The following SUPT3H variants were observed in gnomAD, a reference collection of about 807,000 sequenced individuals.
SUPT3H encodes transcription initiation protein SPT3 homolog.
SUPT3H carries 44 observed loss-of-function variants against 44.3 expected under a neutral mutation model. That is an observed-to-expected ratio of 0.99 (90% CI 0.78 to 1.28). SUPT3H has a LOEUF of 1.28. SUPT3H is among the 50% of genes most tolerant of loss of function. The pLI is 0.00. For synonymous variants in SUPT3H, 124 were observed against 125.6 expected, an observed-to-expected ratio of 0.99 and a Z score of 0.09; for missense variants, 380 against 387.1, an observed-to-expected ratio of 0.98 and a Z score of 0.15.
chr6:44,971,269 C>T (rs1467502056), intron 6 of SUPT3H, among the ~76,000 whole-genome samples: 2 of 152,140 alleles, frequency 1.3e-5, no homozygotes, highest in African/African-American at 4.8e-5. Flanking sequence ...ACTGATACTA[C>T]TCTAGTCCAA....
At chr6:44,894,345 T>C (rs895734617) in intron 10 of SUPT3H, among the ~76,000 whole-genome samples, 2 of 152,182 alleles carry the variant, frequency 1.3e-5, no homozygotes, top group Non-Finnish European at 1.5e-5. Context: ...CTAGGGTTTT[T>C]ATGGTTTTAG....
Position 45,352,368 on chromosome 6 carries a change from C to T in SUPT3H, c.101+12833G>A, listed in dbSNP as rs532946309. Among the ~76,000 whole-genome samples, 83 of 152,132 alleles carry T rather than the reference C, an allele frequency of 5.5e-4. 1 individual carries two copies. The highest frequency in any genetic ancestry group is 2.0e-3 in the African/African-American group (82 of 41,498). On this transcript the variant is annotated intron_variant, in intron 2 of 10. Transcript: ENST00000371459. ...CAGAAAAGAAAGTGTATCAAGTTTT[C>T]CTAGTTTATGAACTCTTATTATAGA...
chr6:45,207,380 G>C (rs1056044313), intron 2 of SUPT3H, among the ~76,000 whole-genome samples: 2 of 152,172 alleles, frequency 1.3e-5, no homozygotes, highest in African/African-American at 2.4e-5. Flanking sequence ...GAAAAAGTCT[G>C]ACTGAAGTAA....
At chr6:45,281,840 G>A (rs185960372) in intron 2 of SUPT3H, among the ~76,000 whole-genome samples, 2 of 152,302 alleles carry the variant, frequency 1.3e-5, no homozygotes, top group East Asian at 3.9e-4. Context: ...GCACCCCCCA[G>A]TAGGGGCAGA....
chr6:44,945,058 T>G (rs1773121379), intron 9 of SUPT3H, among the ~76,000 whole-genome samples: 1 of 152,138 alleles, frequency 6.6e-6, no homozygotes, highest in Non-Finnish European at 1.5e-5. Flanking sequence ...TGTCATATTT[T>G]GGTACTTTTC....
At chr6:45,043,544 A>C (rs933191269) in intron 3 of SUPT3H, among the ~76,000 whole-genome samples, 6 of 152,162 alleles carry the variant, frequency 3.9e-5, no homozygotes, top group African/African-American at 1.4e-4. Flanking sequence ...TTCATGACAT[A>C]AATTCTGAAC....
At chr6:44,901,453 C>T (rs539807388) in intron 10 of SUPT3H, among the ~76,000 whole-genome samples, 9 of 151,920 alleles carry the variant, frequency 5.9e-5, no homozygotes, top group Non-Finnish European at 7.4e-5. Context: ...TGAAATGAAG[C>T]GAGAAGAGAA....
intron 2 of SUPT3H, among the ~76,000 whole-genome samples, chr6:45,299,302 C>T (rs2149912860): frequency 6.8e-6 from 1 of 147,886 alleles, no homozygotes; most frequent in South Asian, 2.2e-4. Flanking sequence ...CGCCACTGCA[C>T]TCCAGCTTGG....
intron 6 of SUPT3H, among the ~76,000 whole-genome samples, chr6:45,000,812 C>G (rs1321662449): frequency 6.6e-6 from 1 of 152,082 alleles, no homozygotes; most frequent in Admixed American, 6.6e-5. Flanking sequence ...AAAAGCTGCT[C>G]TCTCTGGTAA....
chr6:45,040,580 G>T (rs1788376196), intron 3 of SUPT3H, among the ~76,000 whole-genome samples: 1 of 152,048 alleles, frequency 6.6e-6, no homozygotes, highest in African/African-American at 2.4e-5. Flanking sequence ...ACACAGAGTG[G>T]CTTTTCAAAA....
At chr6:45,025,174 C>G (rs1785771603) in intron 3 of SUPT3H, among the ~76,000 whole-genome samples, 1 of 152,110 alleles carries the variant, frequency 6.6e-6, no homozygotes, top group South Asian at 2.1e-4. Flanking sequence ...AATCCTGATT[C>G]TTTATAAGAT....
chr6:45,375,598 G>GC (rs150263698), intron 1 of SUPT3H, among the ~76,000 whole-genome samples: 18,728 of 151,716 alleles, frequency 0.12, 1,321 homozygotes, highest in African/African-American at 0.19. Flanking sequence ...CAGGCTGGAA[G>GC]CCTGGCCTGA....
intron 2 of SUPT3H, among the ~76,000 whole-genome samples, chr6:45,340,480 C>T (rs758537514): frequency 8.6e-5 from 13 of 151,896 alleles, no homozygotes; most frequent in African/African-American, 1.7e-4. Flanking sequence ...CGCACCACCA[C>T]GCCCAGATAA....
chr6:45,110,124 AGAGCAACTTAATAATGATTGGGGCG>A (rs1345785931), intron 2 of SUPT3H, among the ~76,000 whole-genome samples: 8 of 152,230 alleles, frequency 5.3e-5, no homozygotes, highest in Non-Finnish European at 1.0e-4. Context: ...AACTAAGGCC[AGAGCAACTTAATAATGATTGGGGCG>A]GAGCAACTTA....
intron 3 of SUPT3H, among the ~76,000 whole-genome samples, chr6:45,062,457 G>C (rs185556238): frequency 6.6e-6 from 1 of 151,714 alleles, no homozygotes; most frequent in African/African-American, 2.4e-5. Context: ...GGGGTGAGGA[G>C]CCAAGATGGC....
At chr6:45,055,202 C>T (rs762420112) in intron 3 of SUPT3H, among the ~76,000 whole-genome samples, 1 of 152,056 alleles carries the variant, frequency 6.6e-6, no homozygotes, top group Non-Finnish European at 1.5e-5. Flanking sequence ...AGGTTCCATG[C>T]TCATGGAGGG....
intron 2 of SUPT3H, among the ~76,000 whole-genome samples, chr6:45,220,755 G>A (rs1332525028): frequency 6.6e-6 from 1 of 152,166 alleles, no homozygotes; most frequent in Non-Finnish European, 1.5e-5. Flanking sequence ...TACCATTCAG[G>A]ACACAGGCAT....
intron 2 of SUPT3H, among the ~76,000 whole-genome samples, chr6:45,350,493 C>T (rs1791786224): frequency 6.6e-6 from 1 of 152,178 alleles, no homozygotes; most frequent in Non-Finnish European, 1.5e-5. Context: ...AATTGGTTTA[C>T]ATTTTGGCTC....
intron 2 of SUPT3H, among the ~76,000 whole-genome samples, chr6:45,364,545 CTA>C (rs1794805511): frequency 6.6e-6 from 1 of 151,898 alleles, no homozygotes; most frequent in Admixed American, 6.6e-5. Context: ...TGAAAAACTA[CTA>C]TGTGTCAACA....
Sources: gnomAD v4.1 joint callset for allele counts (sites outside exome capture counted in the v4.1 genomes callset) on GRCh38, gnomAD v4.1.1 for gene constraint, MANE v1.5 for transcripts, NCBI Gene and HGNC (gene_info 2026-07-23, HGNC 2026-07-21) for gene names.